The following PAK2 variants were observed in gnomAD, a reference collection of about 807,000 sequenced individuals.
PAK2 encodes serine/threonine-protein kinase PAK 2.
Under a neutral mutation model 65.9 loss-of-function variants are expected in PAK2, and 21 were observed. That is an observed-to-expected ratio of 0.32 (90% CI 0.23 to 0.46). The LOEUF is 0.46. Among genes scored for constraint, PAK2 ranks in the 20% least tolerant of loss-of-function variants. The pLI, the probability that PAK2 is intolerant of heterozygous loss-of-function variation, is 1.00. For missense variants in PAK2, 324 were observed against 642.6 expected (o/e 0.50, Z 5.36); for synonymous variants, 204 against 219.7 (o/e 0.93, Z 0.63).
chr3:196,760,742 GTCA>G (rs1435022806), intron 1 of PAK2, among the ~76,000 whole-genome samples: 1 of 152,182 alleles, frequency 6.6e-6, no homozygotes, highest in Non-Finnish European at 1.5e-5. Flanking sequence ...AACAAGGTGT[GTCA>G]TTAGAAAGTG....
chr3:196,752,382 GAAA>G (rs928990266), intron 1 of PAK2, among the ~76,000 whole-genome samples: 1 of 151,790 alleles, frequency 6.6e-6, no homozygotes, highest in Non-Finnish European at 1.5e-5. Flanking sequence ...AATCTAAATT[GAAA>G]AAAAATTTTC....
chr3:196,797,449 C>T (rs1002561884), intron 2 of PAK2, among the ~76,000 whole-genome samples: 8 of 151,572 alleles, frequency 5.3e-5, no homozygotes, highest in Non-Finnish European at 1.0e-4. Context: ...GGCGACAGAG[C>T]GAGACTCCCT....
intron 8 of PAK2, 32 bp downstream of exon 8, chr3:196,810,685 TCAGTATTC>T (rs1715746108): frequency 9.9e-7 from 1 of 1,010,236 alleles, no homozygotes; most frequent in Non-Finnish European, 1.6e-6. Flanking sequence ...ACGATAATAT[TCAGTATTC>T]AGTATTTCCT....
intron 14 of PAK2, among the ~76,000 whole-genome samples, chr3:196,827,725 G>C (rs935855983): frequency 6.6e-6 from 1 of 151,978 alleles, no homozygotes; most frequent in Non-Finnish European, 1.5e-5. Flanking sequence ...CACGTTGTGC[G>C]CATGTACCCT....
At chr3:196,748,868 C>A (rs1370715499) in intron 1 of PAK2, among the ~76,000 whole-genome samples, 1 of 152,102 alleles carries the variant, frequency 6.6e-6, no homozygotes, top group Non-Finnish European at 1.5e-5. Flanking sequence ...TTATAGTGTG[C>A]AATTATCACC....
At chr3:196,792,547 AT>A (rs1165586449) in intron 2 of PAK2, among the ~76,000 whole-genome samples, 1 of 152,214 alleles carries the variant, frequency 6.6e-6, no homozygotes, top group Non-Finnish European at 1.5e-5. Flanking sequence ...GGAGATGGAC[AT>A]TTGAGCATAA....
chr3:196,749,738 TC>T (rs1490043965), intron 1 of PAK2, among the ~76,000 whole-genome samples: 2 of 152,190 alleles, frequency 1.3e-5, no homozygotes, highest in Admixed American at 1.3e-4. Flanking sequence ...ATGTGGGGGT[TC>T]CTGTTGCTTC....
chr3:196,811,654 A>C (rs546685034), intron 8 of PAK2, among the ~76,000 whole-genome samples: 1 of 152,022 alleles, frequency 6.6e-6, no homozygotes, highest in Non-Finnish European at 1.5e-5. Context: ...ATACCTATCC[A>C]TATGGATGAC....
Position 196,812,251 on chromosome 3 carries a change from T to C in PAK2, c.806T>C (p.Val269Ala), listed in dbSNP as rs765524408. The C allele has an allele frequency of 6.3e-7, 1 of 1,589,258 alleles. No homozygotes were observed. The highest frequency in any genetic ancestry group is 1.3e-5 in the African/African-American group (1 of 74,572). ...ASGTVFTATD[V>A]ALGQEVAIKQ... ...GGTACAGTTTTCACTGCTACTGACG[T>C]TGCACTGGGACAGGAGGTAGTTACT... is the stretch of plus-strand genomic sequence containing the variant. The change falls in exon 9 of 15, where the codon GTT becomes GCT. Residue 269 changes from valine to alanine, a missense_variant. Physicochemically the swap from Val to Ala is moderately conservative, Grantham distance 64. Around this residue, in one of 5 missense-constraint regions of PAK2, gnomAD observed 183 missense variants for 246.2 expected, o/e 0.74. Coordinates refer to ENST00000327134, the MANE Select transcript of PAK2 (RefSeq NM_002577.4).
intron 11 of PAK2, among the ~76,000 whole-genome samples, chr3:196,815,387 G>A (rs948691701): frequency 6.6e-6 from 1 of 151,498 alleles, no homozygotes; most frequent in South Asian, 2.1e-4. Flanking sequence ...AGCTACTCGC[G>A]AGGCTGAGGC....
At chr3:196,761,957 G>A (rs1184734247) in intron 1 of PAK2, among the ~76,000 whole-genome samples, 6 of 124,650 alleles carry the variant, frequency 4.8e-5, no homozygotes, top group South Asian at 2.8e-4. Context: ...GCTGCCGGGC[G>A]GAGGGGCTCC....
Position 196,807,887 on chromosome 3 carries a change from A to G in PAK2, c.682A>G (p.Thr228Ala). ...LDKQKKKTKMTDEEIMEKLRT... is the reference protein window; with the variant it reads ...LDKQKKKTKMADEEIMEKLRT... ...CAAACAGAAAAAGAAGACTAAGATGACAGATGAAGAGATTATGGAGAAATT... is the reference window on the plus strand; with the variant it reads ...CAAACAGAAAAAGAAGACTAAGATGGCAGATGAAGAGATTATGGAGAAATT... The change falls in exon 7 of 15, where the codon ACA (threonine) becomes GCA (alanine). Residue 228 changes from threonine to alanine, a missense_variant. Around this residue, in one of 5 missense-constraint regions of PAK2, gnomAD observed 183 missense variants for 246.2 expected, o/e 0.74. Coordinates refer to ENST00000327134, the MANE Select transcript of PAK2 (RefSeq NM_002577.4). The G allele has an allele frequency of 6.3e-7, 1 of 1,594,668 alleles. No homozygotes were observed. Among genetic ancestry groups the G allele is most frequent in the South Asian group, 1.1e-5 (1 of 90,558 alleles).
rs1334588285 is a variant in PAK2 at position 196,791,492 on chromosome 3, G to A, written c.187+8659G>A. On this transcript the variant is annotated intron_variant, in intron 2 of 14. Transcript: ENST00000327134. The surrounding 1 kb of genome is among the most constrained non-coding windows in gnomAD (Gnocchi z 4.0). ...TCTAAACTCTTAACGTTTCCAAGTT[G>A]AAGAATATGACTAGGCCTTAGACAC... Among the ~76,000 whole-genome samples, 1 of 152,076 alleles carries A rather than the reference G, an allele frequency of 6.6e-6. No homozygotes were observed. Among genetic ancestry groups the A allele is most frequent in the Non-Finnish European group, 1.5e-5 (1 of 68,018 alleles).
intron 1 of PAK2, among the ~76,000 whole-genome samples, chr3:196,759,463 C>T (rs1284511652): frequency 1.4e-5 from 2 of 143,418 alleles, no homozygotes; most frequent in African/African-American, 5.2e-5. Flanking sequence ...CAGTAAAATT[C>T]ACCCTTTAAG....
chr3:196,809,670 T>A (rs923034717), intron 7 of PAK2, among the ~76,000 whole-genome samples: 2 of 151,180 alleles, frequency 1.3e-5, no homozygotes, highest in African/African-American at 2.4e-5. Flanking sequence ...AAAAAAAAAA[T>A]TAACTAGAAT....
intron 2 of PAK2, among the ~76,000 whole-genome samples, chr3:196,786,798 C>A (rs1265296416): frequency 6.6e-6 from 1 of 151,866 alleles, no homozygotes; most frequent in Non-Finnish European, 1.5e-5. Context: ...AATAGTAGCA[C>A]CCTGTCTTGA....
At chr3:196,755,749 C>T (rs1178862405) in intron 1 of PAK2, among the ~76,000 whole-genome samples, 2 of 152,074 alleles carry the variant, frequency 1.3e-5, no homozygotes, top group Non-Finnish European at 2.9e-5. Flanking sequence ...TGAGCCACTG[C>T]ACCCAGACTT....
At chr3:196,765,324 A>G (rs1215862849) in intron 1 of PAK2, among the ~76,000 whole-genome samples, 1 of 151,450 alleles carries the variant, frequency 6.6e-6, no homozygotes, top group Non-Finnish European at 1.5e-5. Context: ...ATTTTTTTGC[A>G]TTTTTAGTAG....
At chr3:196,810,742 A>G (rs1715750583) in intron 8 of PAK2, 89 bp downstream of exon 8, 1 of 743,582 alleles carries the variant, frequency 1.3e-6, no homozygotes, top group Admixed American at 2.0e-5. Context: ...TGCCGACATC[A>G]AGTACTTATA....
Sources: allele counts gnomAD v4.1 joint callset (sites outside exome capture counted in the v4.1 genomes callset), GRCh38; gene constraint gnomAD v4.1.1; regional missense constraint gnomAD v4.1.1; non-coding constraint Gnocchi (gnomAD v3.1); transcripts MANE v1.5; gene names NCBI Gene and HGNC (gene_info 2026-07-23, HGNC 2026-07-21).